The following SLC25A42 variants were observed in gnomAD, a reference collection of about 807,000 sequenced individuals.
SLC25A42 encodes mitochondrial coenzyme A transporter SLC25A42.
In SLC25A42, 19 loss-of-function variants were observed where a neutral mutation model predicts 34.7. The ratio of observed to expected loss-of-function variants is 0.55; its 90% CI spans 0.38 to 0.80. SLC25A42 has a LOEUF of 0.80. Ranked by LOEUF, SLC25A42 falls within the 30% of genes least tolerant of loss-of-function variation. The pLI is 0.00. For missense variants in SLC25A42, 364 were observed against 441.3 expected, an observed-to-expected ratio of 0.82 and a Z score of 1.57; for synonymous variants, 205 against 191.2, an observed-to-expected ratio of 1.07 and a Z score of -0.59.
In SLC25A42 at chr19:19,111,098, C is replaced by G; in HGVS notation, c.*222C>G. The G allele has an allele frequency of 1.7e-6, 1 of 584,732 alleles. No individual in the cohort carries two copies. Among genetic ancestry groups the G allele is most frequent in the Non-Finnish European group, 3.0e-6 (1 of 332,570 alleles). The allele number at this position is 584,732 out of a possible 1,614,324, so 36.2% of individuals were successfully genotyped here. ...TGGGGCGATGGTGTGGGGGGTCCCG[C>G]AGCTCCCCTCTTCCTTCCTCTGCAG... is the stretch of plus-strand genomic sequence containing the variant. On this transcript the variant is annotated 3_prime_UTR_variant, in exon 8 of 8. Coordinates refer to ENST00000318596, the MANE Select transcript of SLC25A42 (RefSeq NM_178526.5).
In SLC25A42 at chr19:19,088,585, G is replaced by A. The variant is rs144685176; in HGVS notation, c.-34-7506G>A. On this transcript the variant is annotated intron_variant, in intron 1 of 7. Transcript: ENST00000318596. ...GCTCACCGCAACCTCCGCCTCCTGG[G>A]TTCAAGCAATTCTCCTGCCTCAGCC... Among the ~76,000 whole-genome samples, 580 of 152,074 alleles carry A rather than the reference G, an allele frequency of 3.8e-3. 6 individuals are homozygous for A. The highest frequency in any genetic ancestry group is 0.013 in the African/African-American group (556 of 41,448).
intron 7 of SLC25A42, 72 bp from the exon 8 acceptor site, chr19:19,110,497 G>C: frequency 1.5e-6 from 2 of 1,316,314 alleles, no homozygotes; most frequent in Non-Finnish European, 2.0e-6. Context: ...GGGGTGCAAA[G>C]GCGCGCGCAC....
At chr19:19,105,835 G>A (rs549575771) in intron 5 of SLC25A42, 108 bp downstream of exon 5, 68 of 976,648 alleles carry the variant, frequency 7.0e-5, no homozygotes, top group Non-Finnish European at 9.7e-5. Flanking sequence ...CCCTAGCCCT[G>A]CCTTCCCTCT....
chr19:19,100,681 G>A (rs1023785056), intron 2 of SLC25A42, among the ~76,000 whole-genome samples: 8 of 152,190 alleles, frequency 5.3e-5, no homozygotes, highest in African/African-American at 1.9e-4. Flanking sequence ...ATGGGTGGCT[G>A]TATTTGCTTT....
intron 7 of SLC25A42, 21 bp downstream of exon 7, chr19:19,108,066 G>A (rs1388474241): frequency 6.5e-7 from 1 of 1,537,474 alleles, no homozygotes; most frequent in Admixed American, 2.0e-5. Flanking sequence ...CTGGGAGCAT[G>A]AGGAGGGGAC....
intron 1 of SLC25A42, among the ~76,000 whole-genome samples, chr19:19,077,505 C>A (rs1237134988): frequency 3.3e-5 from 5 of 152,192 alleles, no homozygotes; most frequent in Non-Finnish European, 5.9e-5. Flanking sequence ...ATGACATCCC[C>A]AGGGTCCATC....
At chr19:19,065,275 C>T (rs1363978887) in intron 1 of SLC25A42, among the ~76,000 whole-genome samples, 2 of 151,974 alleles carry the variant, frequency 1.3e-5, no homozygotes, top group African/African-American at 4.8e-5. Context: ...TTGCCGGGGC[C>T]GGGGCTCCCA....
chr19:19,069,027 T>A (rs1456827055), intron 1 of SLC25A42, among the ~76,000 whole-genome samples: 1 of 142,590 alleles, frequency 7.0e-6, no homozygotes, highest in African/African-American at 2.6e-5. Flanking sequence ...TCTGTCTCTT[T>A]AAAAAAAAAA....
At chr19:19,077,606 A>G (rs1000632029) in intron 1 of SLC25A42, among the ~76,000 whole-genome samples, 2 of 152,182 alleles carry the variant, frequency 1.3e-5, no homozygotes, top group Non-Finnish European at 1.5e-5. Flanking sequence ...TTCAGTATGC[A>G]GCTGGGCACA....
At chr19:19,087,566 G>A (rs570565101) in intron 1 of SLC25A42, among the ~76,000 whole-genome samples, 2 of 152,330 alleles carry the variant, frequency 1.3e-5, no homozygotes, top group South Asian at 4.1e-4. Context: ...GGGATTACAG[G>A]TGTGAGCCAC....
intron 1 of SLC25A42, among the ~76,000 whole-genome samples, chr19:19,074,853 C>A (rs1317166865): frequency 6.6e-6 from 1 of 152,010 alleles, no homozygotes; most frequent in Non-Finnish European, 1.5e-5. Context: ...TGATTCAGAA[C>A]AAGAAGCAGC....
intron 1 of SLC25A42, among the ~76,000 whole-genome samples, chr19:19,095,341 C>T (rs1291236860): frequency 6.6e-6 from 1 of 151,628 alleles, no homozygotes; most frequent in African/African-American, 2.4e-5. Context: ...AGGCCAGGTG[C>T]GGTGGCTCAT....
At chr19:19,105,810 C>T in intron 5 of SLC25A42, 83 bp downstream of exon 5, 1 of 1,203,922 alleles carries the variant, frequency 8.3e-7, no homozygotes, top group South Asian at 1.5e-5. Context: ...CCGCTCCCTC[C>T]TCTTCGTGCC....
chr19:19,083,869 C>T (rs904525506), intron 1 of SLC25A42, among the ~76,000 whole-genome samples: 5 of 151,796 alleles, frequency 3.3e-5, no homozygotes, highest in Admixed American at 6.6e-5. Flanking sequence ...GCCCTGCACA[C>T]ACCTGCCCAC....
intron 1 of SLC25A42, among the ~76,000 whole-genome samples, chr19:19,074,349 C>T (rs767226852): frequency 3.9e-5 from 6 of 152,258 alleles, no homozygotes; most frequent in East Asian, 1.9e-4. Context: ...AAGATGTGCC[C>T]GGATCCCTTA....
At chr19:19,067,457 GTAAA>G (rs1316657823) in intron 1 of SLC25A42, among the ~76,000 whole-genome samples, 2 of 151,890 alleles carry the variant, frequency 1.3e-5, no homozygotes, top group Non-Finnish European at 2.9e-5. Context: ...GGTGGCGTGC[GTAAA>G]TAGTCTCAGC....
At chr19:19,106,435 C>CG in intron 6 of SLC25A42, 50 bp downstream of exon 6, 1 of 1,475,386 alleles carries the variant, frequency 6.8e-7, no homozygotes, top group Non-Finnish European at 9.3e-7. Flanking sequence ...CTCTGTGTCT[C>CG]GGGGGCTCCC....
Position 19,105,252 on chromosome 19 carries a change from C to T in SLC25A42, c.214-309C>T. ...AAACTGTAAAAGCTGGGATGCCAAA[C>T]ACCAACAGACATGCCCTTGGGCAGG... is the stretch of plus-strand genomic sequence containing the variant. On this transcript the variant is annotated intron_variant, in intron 4 of 7. Transcript: ENST00000318596. 5.2e-6 allele frequency: 3 copies of T among 574,790 alleles called. No individual in the cohort carries two copies. In the South Asian group the frequency reaches 7.1e-5, roughly 14 times the overall value. The allele number at this position is 574,790 out of a possible 1,614,324, so 35.6% of individuals were successfully genotyped here.
intron 1 of SLC25A42, among the ~76,000 whole-genome samples, chr19:19,072,552 A>G (rs572782643): frequency 6.6e-6 from 1 of 151,710 alleles, no homozygotes; most frequent in South Asian, 2.1e-4. Context: ...TAATTTTTGT[A>G]TTTAGCCAGG....
Sources: gnomAD v4.1 joint callset for allele counts (sites outside exome capture counted in the v4.1 genomes callset) on GRCh38, gnomAD v4.1.1 for gene constraint, MANE v1.5 for transcripts, NCBI Gene and HGNC (gene_info 2026-07-23, HGNC 2026-07-21) for gene names.